The following SCLT1 variants were observed in gnomAD, a reference collection of about 807,000 sequenced individuals.
The protein encoded by SCLT1 is sodium channel and clathrin linker 1, also known as sodium channel-associated protein 1.
In SCLT1, 78 loss-of-function variants were observed where a neutral mutation model predicts 112.8. The observed-to-expected ratio is 0.69, with a 90% CI of 0.58 to 0.83. The LOEUF (loss-of-function observed/expected upper bound fraction) is 0.83, where lower values mean the gene tolerates loss of function less well. Ranked by LOEUF, SCLT1 falls within the 40% of genes least tolerant of loss-of-function variation. The pLI is 0.00. For synonymous variants in SCLT1, 257 were observed against 254.7 expected (o/e 1.01, Z -0.09); for missense variants, 747 against 770.4 (o/e 0.97, Z 0.36).
intron 17 of SCLT1, 118 bp downstream of exon 17, chr4:128,942,878 C>T (rs373531268): frequency 3.8e-5 from 24 of 638,208 alleles, no homozygotes; most frequent in African/African-American, 3.1e-4. Flanking sequence ...TGATTTAGTG[C>T]TATCTGATGA....
chr4:129,054,327 A>C (rs751689081), intron 2 of SCLT1, among the ~76,000 whole-genome samples: 1 of 152,094 alleles, frequency 6.6e-6, no homozygotes, highest in Non-Finnish European at 1.5e-5. Flanking sequence ...TCTCCTGGAT[A>C]ATATCCTGAA....
chr4:129,041,156 G>A (rs1189808063), intron 4 of SCLT1, among the ~76,000 whole-genome samples: 1 of 152,126 alleles, frequency 6.6e-6, no homozygotes, highest in African/African-American at 2.4e-5. Context: ...CACTAGTCCT[G>A]AAAACAAAAG....
intron 9 of SCLT1, among the ~76,000 whole-genome samples, chr4:128,987,751 T>C (rs115672450): frequency 6.6e-6 from 1 of 152,094 alleles, no homozygotes; most frequent in African/African-American, 2.4e-5. Context: ...CTAAGAGAGA[T>C]GAGAGTAGAA....
intron 5 of SCLT1, among the ~76,000 whole-genome samples, chr4:129,026,524 C>G (rs1264642551): frequency 2.0e-5 from 3 of 151,830 alleles, no homozygotes; most frequent in Non-Finnish European, 4.4e-5. Flanking sequence ...CACAACATAC[C>G]AGAATCTCTG....
At chr4:128,946,229 T>C in intron 15 of SCLT1, 77 bp from the exon 16 acceptor site, 1 of 902,764 alleles carries the variant, frequency 1.1e-6, no homozygotes, top group Non-Finnish European at 1.7e-6. Context: ...CAGAAATCAA[T>C]GGAAGAAATA....
At chr4:128,983,177 T>C (rs1320615086) in intron 9 of SCLT1, among the ~76,000 whole-genome samples, 2 of 152,200 alleles carry the variant, frequency 1.3e-5, no homozygotes, top group African/African-American at 2.4e-5. Context: ...CGTGAGCCAC[T>C]GCGCCCGGCC....
chr4:128,984,446 T>A (rs1350013551), intron 9 of SCLT1, among the ~76,000 whole-genome samples: 1 of 152,184 alleles, frequency 6.6e-6, no homozygotes, highest in Non-Finnish European at 1.5e-5. Context: ...TCACTTTGAG[T>A]TTTCTATAAA....
rs1257705164 is a variant in SCLT1 at position 128,943,077 on chromosome 4, C to A, written c.1551G>T (p.Gln517His). 1.2e-6 allele frequency: 2 copies of A among 1,613,216 alleles called. No individual in the cohort carries two copies. The highest frequency in any genetic ancestry group is 1.7e-6 in the Non-Finnish European group (2 of 1,179,464). The change falls in exon 17 of 21, where the codon CAG becomes CAT. Residue 517 changes from glutamine (Q) to histidine (H), a missense_variant. Coordinates refer to ENST00000281142, the MANE Select transcript of SCLT1 (RefSeq NM_144643.4). ...GLVSEQRLKL[Q>H]QENKQLRKET... ...CTTTCCGTAACTGTTTATTTTCTTGCTGAAGTTTTAGCCTTTGTTCACTGA... is the reference window on the plus strand; with the variant it reads ...CTTTCCGTAACTGTTTATTTTCTTGATGAAGTTTTAGCCTTTGTTCACTGA...
chr4:128,975,858 T>A (rs1452671678), intron 9 of SCLT1, among the ~76,000 whole-genome samples: 1 of 152,156 alleles, frequency 6.6e-6, no homozygotes, highest in Non-Finnish European at 1.5e-5. Context: ...TTATTTCAAA[T>A]TTTTTCCTCT....
At chr4:129,025,281 G>T (rs1745937082) in intron 5 of SCLT1, among the ~76,000 whole-genome samples, 1 of 152,204 alleles carries the variant, frequency 6.6e-6, no homozygotes, top group South Asian at 2.1e-4. Flanking sequence ...AGGAAAAAAT[G>T]TTAAGGGCAG....
At chr4:129,083,402 A>G (rs1752124365) in intron 1 of SCLT1, among the ~76,000 whole-genome samples, 1 of 151,638 alleles carries the variant, frequency 6.6e-6, no homozygotes, top group South Asian at 2.1e-4. Context: ...CTGAAACCAA[A>G]GACAGTATGT....
intron 10 of SCLT1, among the ~76,000 whole-genome samples, chr4:128,966,231 C>CT (rs978908316): frequency 2.0e-5 from 3 of 151,218 alleles, no homozygotes; most frequent in African/African-American, 7.3e-5. Flanking sequence ...TCTCGAGTAG[C>CT]TGGGACTATA....
chr4:128,935,160 A>G lies in SCLT1; in HGVS notation c.1829+1495T>C, dbSNP rs186425321. ...ACTTTGCATCCCTGACATTGAGCCT[A>G]ACTGGTAATGATTTTTTTTTGTTGT... On this transcript the variant is annotated intron_variant, in intron 18 of 20. Transcript: ENST00000281142. Among the ~76,000 whole-genome samples the G allele has an allele frequency of 3.3e-5, 5 of 152,066 alleles. No homozygotes were observed. In the East Asian group the frequency reaches 9.6e-4, roughly 29 times the overall value.
At chr4:128,886,971 C>CTGTATCAGAAA (rs1732939815) in intron 20 of SCLT1, among the ~76,000 whole-genome samples, 1 of 152,146 alleles carries the variant, frequency 6.6e-6, no homozygotes, top group Non-Finnish European at 1.5e-5. Flanking sequence ...AATTTAATTT[C>CTGTATCAGAAA]TTACATATCT....
intron 2 of SCLT1, among the ~76,000 whole-genome samples, chr4:129,071,786 C>A (rs945183122): frequency 2.0e-5 from 3 of 152,086 alleles, no homozygotes; most frequent in Non-Finnish European, 4.4e-5. Context: ...AGCATTTAGG[C>A]CATTTACATT....
chr4:128,900,662 C>A (rs1185171704), intron 18 of SCLT1, among the ~76,000 whole-genome samples: 4 of 152,224 alleles, frequency 2.6e-5, no homozygotes, highest in East Asian at 1.9e-4. Flanking sequence ...GCAACAAAAG[C>A]CAAAATTGAC....
At chr4:128,979,003 C>T (rs1046066547) in intron 9 of SCLT1, among the ~76,000 whole-genome samples, 11 of 152,080 alleles carry the variant, frequency 7.2e-5, no homozygotes, top group African/African-American at 2.2e-4. Context: ...CTATTTATTA[C>T]AATGTTAATA....
At chr4:128,959,529 C>G in intron 12 of SCLT1, 71 bp downstream of exon 12, 1 of 1,123,902 alleles carries the variant, frequency 8.9e-7, no homozygotes, top group Non-Finnish European at 1.3e-6. Flanking sequence ...TATTGAATCC[C>G]TTACTGTGAG....
At chr4:128,907,664 C>T (rs1396310724) in intron 18 of SCLT1, among the ~76,000 whole-genome samples, 1 of 152,118 alleles carries the variant, frequency 6.6e-6, no homozygotes, top group Non-Finnish European at 1.5e-5. Flanking sequence ...AAAAGGTCTG[C>T]ATTAGAAGAT....
Sources: allele counts gnomAD v4.1 joint callset (sites outside exome capture counted in the v4.1 genomes callset), GRCh38; gene constraint gnomAD v4.1.1; transcripts MANE v1.5; gene names NCBI Gene and HGNC (gene_info 2026-07-23, HGNC 2026-07-21).